Variants in CFAP58 observed in about 807,000 individuals in gnomAD.
The protein encoded by CFAP58 is cilia and flagella associated protein 58, also known as cilia- and flagella-associated protein 58.
Under a neutral mutation model 119.5 loss-of-function variants are expected in CFAP58, and 88 were observed. The observed-to-expected ratio is 0.74, with a 90% CI of 0.62 to 0.88. The LOEUF is 0.88. Among genes scored for constraint, CFAP58 ranks in the 40% least tolerant of loss-of-function variants. CFAP58 has a pLI of 0.00. For synonymous variants in CFAP58, 365 were observed against 366.3 expected (o/e 1.00, Z 0.04); for missense variants, 990 against 1,021.2 (o/e 0.97, Z 0.42).
At chr10:104,422,970 A>G (rs2012685099) in intron 15 of CFAP58, among the ~76,000 whole-genome samples, 1 of 152,304 alleles carries the variant, frequency 6.6e-6, no homozygotes, top group Non-Finnish European at 1.5e-5. Flanking sequence ...AGATTTCTTA[A>G]GTTTTATTTT....
At chr10:104,417,493 A>C (rs2012572752) in intron 15 of CFAP58, among the ~76,000 whole-genome samples, 1 of 152,200 alleles carries the variant, frequency 6.6e-6, no homozygotes, top group Non-Finnish European at 1.5e-5. Context: ...ACTGAATGCA[A>C]CCAGAATTTG....
chr10:104,356,977 A>G (rs1421598099), intron 1 of CFAP58, among the ~76,000 whole-genome samples: 2 of 152,226 alleles, frequency 1.3e-5, no homozygotes, highest in Non-Finnish European at 2.9e-5. Flanking sequence ...TGTAGCTAAC[A>G]AGAAGTAGGT....
intron 12 of CFAP58, among the ~76,000 whole-genome samples, chr10:104,400,014 C>G (rs985267337): frequency 2.6e-5 from 4 of 152,106 alleles, no homozygotes; most frequent in Admixed American, 6.6e-5. Context: ...CAGTGCAAGA[C>G]AGAAGGAAGT....
At chr10:104,360,931 G>A (rs1347018149) in intron 2 of CFAP58, among the ~76,000 whole-genome samples, 3 of 152,082 alleles carry the variant, frequency 2.0e-5, no homozygotes, top group Non-Finnish European at 4.4e-5. Context: ...GCACTGTGAT[G>A]AACATATGCA....
chr10:104,450,170 T>C lies in CFAP58; in HGVS notation c.2476T>C (p.Tyr826His). 4.3e-6 allele frequency: 7 copies of C among 1,613,152 alleles called. No individual in the cohort carries two copies. The highest frequency in any genetic ancestry group is 5.9e-6 in the Non-Finnish European group (7 of 1,179,734). The change falls in exon 17 of 18, where the codon TAC (tyrosine) becomes CAC (histidine). Residue 826 changes from tyrosine (Y) to histidine (H), a missense_variant. Coordinates refer to ENST00000369704, the MANE Select transcript of CFAP58 (RefSeq NM_001008723.2). The part of the protein sequence containing the change: ...TNELQNLKKK[Y>H]LAQKRKEQLQ... ...TGAGCTCCAGAATTTAAAGAAGAAATACCTCGCTCAGAAACGTAAAGAACA... is the reference window on the plus strand; with the variant it reads ...TGAGCTCCAGAATTTAAAGAAGAAACACCTCGCTCAGAAACGTAAAGAACA...
At chr10:104,390,820 T>TA (rs1252470119) in intron 9 of CFAP58, among the ~76,000 whole-genome samples, 1 of 152,172 alleles carries the variant, frequency 6.6e-6, no homozygotes, top group Non-Finnish European at 1.5e-5. Flanking sequence ...TGGAACTATA[T>TA]ATAAAGAAAT....
chr10:104,447,747 CT>C lies in CFAP58; in HGVS notation c.2307del (p.Gly770AspfsTer8). ...MELKHVLARQ[P>X]GPEAAEQLKL... ...CTAAAGCACGTCTTGGCCCGCCAGCCTGGACCTGAGGCTGCGGAACAGCTGA... is the reference window on the plus strand; with the variant it reads ...CTAAAGCACGTCTTGGCCCGCCAGCCGGACCTGAGGCTGCGGAACAGCTGA... On this transcript the variant is annotated frameshift_variant, in exon 16 of 18. Transcript: ENST00000369704. LOFTEE classifies it high-confidence loss of function. The C allele has an allele frequency of 6.2e-7, 1 of 1,614,200 alleles. No homozygotes were observed. Among genetic ancestry groups the C allele is most frequent in the South Asian group, 1.1e-5 (1 of 91,072 alleles).
At chr10:104,417,086 C>T (rs1181151278) in intron 15 of CFAP58, among the ~76,000 whole-genome samples, 1 of 152,182 alleles carries the variant, frequency 6.6e-6, no homozygotes, top group African/African-American at 2.4e-5. Context: ...AGCAGATCCC[C>T]AGGGATTCAG....
intron 6 of CFAP58, among the ~76,000 whole-genome samples, chr10:104,370,019 C>G (rs1383243507): frequency 6.6e-6 from 1 of 152,110 alleles, no homozygotes; most frequent in South Asian, 2.1e-4. Flanking sequence ...AATATCTGGT[C>G]CACTTATCCA....
intron 15 of CFAP58, among the ~76,000 whole-genome samples, chr10:104,423,202 C>G (rs996197374): frequency 6.6e-6 from 1 of 152,062 alleles, no homozygotes; most frequent in East Asian, 1.9e-4. Flanking sequence ...GAGTACATTT[C>G]CTTAGTGATA....
chr10:104,361,739 G>A (rs1476273824), intron 2 of CFAP58, among the ~76,000 whole-genome samples: 3 of 152,146 alleles, frequency 2.0e-5, no homozygotes, highest in Non-Finnish European at 2.9e-5. Flanking sequence ...AGGCTAGAGT[G>A]CAGTGGCATG....
chr10:104,439,922 C>T (rs974804354), intron 15 of CFAP58, among the ~76,000 whole-genome samples: 1 of 152,198 alleles, frequency 6.6e-6, no homozygotes, highest in African/African-American at 2.4e-5. Flanking sequence ...CGGGTTCACG[C>T]CATTCTCCTG....
chr10:104,429,674 G>T (rs552403883), intron 15 of CFAP58, among the ~76,000 whole-genome samples: 2 of 151,994 alleles, frequency 1.3e-5, no homozygotes, highest in African/African-American at 2.4e-5. Context: ...ACCCAAATTC[G>T]CTTTCTCTTA....
At chr10:104,392,088 G>A in intron 9 of CFAP58, 145 bp from the exon 10 acceptor site, 1 of 658,114 alleles carries the variant, frequency 1.5e-6, no homozygotes, top group Non-Finnish European at 2.7e-6. Context: ...TTTCTGTGTT[G>A]TACTGCAGTG....
intron 15 of CFAP58, among the ~76,000 whole-genome samples, chr10:104,428,135 A>G (rs1737344478): frequency 6.6e-6 from 1 of 152,188 alleles, no homozygotes. Flanking sequence ...TGATTTTGCA[A>G]TGTAACTCAA....
At chr10:104,351,644 A>G (rs2014460653), upstream of CFAP58, 1 of 152,240 alleles carries the variant, frequency 6.6e-6, no homozygotes. Flanking sequence ...TTAGATCCCT[A>G]TCTCACACCA....
Position 104,371,889 on chromosome 10 carries a change from AAC to A in CFAP58, c.1090+837_1090+838del, listed in dbSNP as rs1485717454. On this transcript the variant is annotated intron_variant, in intron 7 of 17. Coordinates refer to ENST00000369704, the MANE Select transcript of CFAP58 (RefSeq NM_001008723.2). ...ACTCCACTGAAGTACGTGAGGCAGGAACATCTGTGTCCTGTTGACTTTTCCCA... is the reference window on the plus strand; with the variant it reads ...ACTCCACTGAAGTACGTGAGGCAGGAATCTGTGTCCTGTTGACTTTTCCCA... 5.3e-5 allele frequency among the ~76,000 whole-genome samples: 8 copies of A among 152,340 alleles called. No homozygotes were observed. In the East Asian group the frequency reaches 9.6e-4, roughly 18 times the overall value.
At position 104,392,251 on chromosome 10, in the gene CFAP58, G is replaced by T; in HGVS notation, c.1384G>T (p.Asp462Tyr). 1 of 1,610,794 alleles carries T rather than the reference G, an allele frequency of 6.2e-7. No homozygotes were observed. The highest frequency in any genetic ancestry group is 1.1e-5 in the South Asian group (1 of 90,306). The part of the protein sequence containing the change: ...LTQKVLMNME[D>Y]IKVRETQIFD... ...CCTCCAGGTCCTTATGAACATGGAA[G>T]ACATAAAAGTTCGTGAAACACAGAT... Residue 462 changes from aspartate (D) to tyrosine (Y), a missense_variant, in exon 10 of 18, where the codon GAC becomes TAC. Transcript: ENST00000369704.
chr10:104,375,480 A>G (rs1482873414), intron 7 of CFAP58, among the ~76,000 whole-genome samples: 1 of 152,216 alleles, frequency 6.6e-6, no homozygotes, highest in Non-Finnish European at 1.5e-5. Flanking sequence ...GCAGTTTGGC[A>G]GGTTGAGACA....
Sources: gnomAD v4.1 joint callset for allele counts (sites outside exome capture counted in the v4.1 genomes callset) on GRCh38, gnomAD v4.1.1 for gene constraint, MANE v1.5 for transcripts, NCBI Gene and HGNC (gene_info 2026-07-23, HGNC 2026-07-21) for gene names.